Variants in CEP63 observed in about 807,000 individuals in gnomAD.
CEP63 encodes centrosomal protein 63, also known as centrosomal protein of 63 kDa.
Under a neutral mutation model 89.1 loss-of-function variants are expected in CEP63, and 84 were observed. That is an observed-to-expected ratio of 0.94 (90% CI 0.79 to 1.13). The LOEUF is 1.13. Ranked by LOEUF, CEP63 falls within the 50% of genes most tolerant of loss-of-function variation. CEP63 has a pLI of 0.00. For missense variants in CEP63, 838 were observed against 813.3 expected (o/e 1.03, Z -0.37); for synonymous variants, 267 against 272.5 (o/e 0.98, Z 0.20).
chr3:134,714,008 G>A, the CEP63 span, among the ~76,000 whole-genome samples: 2 of 152,198 alleles, frequency 1.3e-5, no homozygotes, highest in South Asian at 4.1e-4. Flanking sequence ...TCTGTGAAAG[G>A]GATGGTGAGT....
the CEP63 span, among the ~76,000 whole-genome samples, chr3:134,663,462 G>A: frequency 1.3e-5 from 2 of 152,216 alleles, no homozygotes; most frequent in African/African-American, 2.4e-5. Flanking sequence ...GGCAGAGGCT[G>A]GGGGAGAGTG....
the CEP63 span, among the ~76,000 whole-genome samples, chr3:134,694,394 G>C: frequency 4.5e-4 from 68 of 152,320 alleles, no homozygotes; most frequent in Admixed American, 2.2e-3. Context: ...AGTCACTGTT[G>C]TTCCCCAAAC....
chr3:134,760,374 G>A, the CEP63 span, among the ~76,000 whole-genome samples: 1 of 152,214 alleles, frequency 6.6e-6, no homozygotes, highest in East Asian at 1.9e-4. Context: ...TTTCTTTTAT[G>A]TGGTTTCATT....
the CEP63 span, among the ~76,000 whole-genome samples, chr3:134,701,363 C>CGTATATGTGTGTGTAT: frequency 6.4e-5 from 1 of 15,614 alleles, no homozygotes; most frequent in African/African-American, 9.8e-5. Context: ...TGTATATATA[C>CGTATATGTGTGTGTAT]ATATACACAC....
intron 1 of CEP63, among the ~76,000 whole-genome samples, chr3:134,494,568 G>A (rs908422651): frequency 4.6e-5 from 7 of 152,248 alleles, no homozygotes; most frequent in East Asian, 1.9e-4. Context: ...AATCTGCCAC[G>A]TGCCATGTTG....
At chr3:134,597,425 C>T in the CEP63 span, among the ~76,000 whole-genome samples, 1 of 152,294 alleles carries the variant, frequency 6.6e-6, no homozygotes, top group East Asian at 1.9e-4. Context: ...ACACAGAACC[C>T]TCACCCAGTC....
At chr3:134,575,077 A>C (rs553466696), downstream of CEP63, 494 of 387,664 alleles carry the variant, frequency 1.3e-3, 3 homozygotes, top group Non-Finnish European at 1.6e-3. Context: ...GTCACTAAAA[A>C]CATCAGGAAT....
the CEP63 span, among the ~76,000 whole-genome samples, chr3:134,745,551 T>C: frequency 4.5e-4 from 69 of 152,342 alleles, no homozygotes; most frequent in South Asian, 1.0e-3. Flanking sequence ...ATTATTATTA[T>C]ACTTTAAGTT....
rs748393019 is a variant in CEP63, at chr3:134,559,390, G to T, written c.1914G>T (p.Met638Ile). 14 of 1,613,820 alleles carry T rather than the reference G, an allele frequency of 8.7e-6. No individual in the cohort carries two copies. Among genetic ancestry groups the T allele is most frequent in the Non-Finnish European group, 1.2e-5 (14 of 1,179,828 alleles). The change falls in exon 14 of 15, where the codon ATG becomes ATT. Residue 638 changes from methionine to isoleucine, a missense_variant. By Grantham distance (10) the Met-to-Ile change is conservative (BLOSUM62 1). Coordinates refer to ENST00000675561, the MANE Select transcript of CEP63 (RefSeq NM_001353108.3). Reference protein sequence around the residue: ...DTNEANFSDTMSESMNDQEEF... With the variant: ...DTNEANFSDTISESMNDQEEF... ...ATGAAGCCAATTTTTCTGACACTAT[G>T]TCTGAGAGTATGAATGACCAAGAAG...
intron 12 of CEP63, 46 bp from the exon 13 acceptor site, chr3:134,558,096 G>A (rs760596458): frequency 1.4e-6 from 2 of 1,474,724 alleles, no homozygotes; most frequent in Non-Finnish European, 1.9e-6. Flanking sequence ...ACAGATCACA[G>A]GTATTCTTGT....
the CEP63 span, among the ~76,000 whole-genome samples, chr3:134,629,982 A>G: frequency 2.0e-5 from 3 of 152,254 alleles, no homozygotes; most frequent in Admixed American, 2.0e-4. Context: ...TCTGCAAAGT[A>G]AATAATAGAA....
chr3:134,586,338 TC>T (rs1201413256), intron 10 of CEP63, among the ~76,000 whole-genome samples: 1 of 152,196 alleles, frequency 6.6e-6, no homozygotes, highest in Non-Finnish European at 1.5e-5. Context: ...TACCAGTTGT[TC>T]CTTTCCATGT....
the CEP63 span, among the ~76,000 whole-genome samples, chr3:134,682,691 A>G: frequency 6.6e-5 from 10 of 152,214 alleles, no homozygotes; most frequent in Admixed American, 1.3e-4. Flanking sequence ...ACTGATGAAG[A>G]TGAGAGCTGG....
chr3:134,607,204 T>C, the CEP63 span: 1 of 985,492 alleles, frequency 1.0e-6, no homozygotes, highest in African/African-American at 1.7e-5. Flanking sequence ...AGGAAATGGA[T>C]TCTCAAATTG....
the CEP63 span, among the ~76,000 whole-genome samples, chr3:134,752,965 C>A: frequency 6.6e-6 from 1 of 152,094 alleles, no homozygotes; most frequent in Admixed American, 6.5e-5. Flanking sequence ...GTCTGGTGGC[C>A]AGGAGCCTGG....
the CEP63 span, chr3:134,603,576 C>G: frequency 6.4e-7 from 1 of 1,568,242 alleles, no homozygotes; most frequent in African/African-American, 1.3e-5. Flanking sequence ...CGGGGCACAG[C>G]CCTCACTGGG....
At chr3:134,519,771 G>A (rs991624000) in intron 3 of CEP63, among the ~76,000 whole-genome samples, 1 of 152,074 alleles carries the variant, frequency 6.6e-6, no homozygotes, top group African/African-American at 2.4e-5. Flanking sequence ...GTCATTCTGG[G>A]TTGTTTCAAC....
At chr3:134,486,432 G>C (rs1173204989) in intron 1 of CEP63, 5 of 985,416 alleles carry the variant, frequency 5.1e-6, no homozygotes, top group Non-Finnish European at 6.0e-6. Flanking sequence ...CCTCGGCCTG[G>C]CCCGCTATGC....
At chr3:134,742,100 A>G in the CEP63 span, among the ~76,000 whole-genome samples, 2 of 152,216 alleles carry the variant, frequency 1.3e-5, no homozygotes, top group South Asian at 4.1e-4. Flanking sequence ...TAGGAGGCCT[A>G]GGGCATGATG....
Sources: gnomAD v4.1 joint callset for allele counts (sites outside exome capture counted in the v4.1 genomes callset) on GRCh38, gnomAD v4.1.1 for gene constraint, MANE v1.5 for transcripts, NCBI Gene and HGNC (gene_info 2026-07-23, HGNC 2026-07-21) for gene names.